The following GRB10 variants were observed in gnomAD, a reference collection of about 807,000 sequenced individuals.
GRB10 encodes growth factor receptor-bound protein 10.
A neutral mutation model predicts 80.9 loss-of-function variants in GRB10; 20 were observed. The observed-to-expected ratio is 0.25, with a 90% CI of 0.17 to 0.36. GRB10 has a LOEUF of 0.36. Ranked by LOEUF, GRB10 falls within the 10% of genes least tolerant of loss-of-function variation. GRB10 has a pLI of 1.00. For missense variants in GRB10, 548 were observed against 747.7 expected (o/e 0.73, Z 3.12); for synonymous variants, 291 against 291.5 (o/e 1.00, Z 0.02).
intron 17 of GRB10, among the ~76,000 whole-genome samples, chr7:50,596,096 G>A (rs1010557018): frequency 6.6e-6 from 1 of 152,162 alleles, no homozygotes; most frequent in African/African-American, 2.4e-5. Flanking sequence ...GGCAATTACT[G>A]TAGTAACTAA....
intron 2 of GRB10, among the ~76,000 whole-genome samples, chr7:50,759,367 C>T (rs1336728726): frequency 6.6e-6 from 1 of 152,046 alleles, no homozygotes; most frequent in Non-Finnish European, 1.5e-5. Context: ...AAAACAGAAA[C>T]CATCCCACCT....
intron 7 of GRB10, among the ~76,000 whole-genome samples, chr7:50,632,169 A>C (rs1370279304): frequency 6.6e-6 from 1 of 152,222 alleles, no homozygotes; most frequent in African/African-American, 2.4e-5. Flanking sequence ...GTTTTAAATT[A>C]ATGATATTAT....
At chr7:50,773,418 C>T (rs189209677) in intron 2 of GRB10, among the ~76,000 whole-genome samples, 9 of 30,558 alleles carry the variant, frequency 2.9e-4, no homozygotes, top group East Asian at 1.7e-3. Context: ...GGGAAGGGGA[C>T]GGGGAAGGGA....
chr7:50,641,758 G>A (rs1563259031), intron 7 of GRB10, among the ~76,000 whole-genome samples: 2 of 152,232 alleles, frequency 1.3e-5, no homozygotes, highest in African/African-American at 2.4e-5. Flanking sequence ...CTCTGCGGCA[G>A]GACAGTCAGC....
At chr7:50,713,110 T>G (rs2066146282) in intron 4 of GRB10, among the ~76,000 whole-genome samples, 1 of 152,200 alleles carries the variant, frequency 6.6e-6, no homozygotes, top group Admixed American at 6.5e-5. Flanking sequence ...CTCTAGAATT[T>G]CTACAGAAGA....
chr7:50,593,496 G>A (rs951367744), intron 18 of GRB10, among the ~76,000 whole-genome samples: 5 of 152,002 alleles, frequency 3.3e-5, no homozygotes, highest in South Asian at 2.1e-4. Flanking sequence ...CTCACTATAC[G>A]ACCTCAGCCA....
chr7:50,674,351 A>C, intron 6 of GRB10, 85 bp downstream of exon 6: 1 of 1,325,726 alleles, frequency 7.5e-7, no homozygotes, highest in Non-Finnish European at 1.1e-6. Context: ...TATTCCCCCC[A>C]ACACCATTTA....
At chr7:50,737,531 T>C (rs1242295864) in intron 3 of GRB10, among the ~76,000 whole-genome samples, 27 of 152,204 alleles carry the variant, frequency 1.8e-4, no homozygotes, top group Non-Finnish European at 1.5e-5. Flanking sequence ...TTACCTAGTC[T>C]CAGGTAGTTC....
chr7:50,618,896 C>T (rs575697281), intron 9 of GRB10, among the ~76,000 whole-genome samples: 1 of 152,356 alleles, frequency 6.6e-6, no homozygotes, highest in African/African-American at 2.4e-5. Context: ...AAACACCCAG[C>T]CTCTCCCAGC....
At chr7:50,728,577 T>C (rs2069066654) in intron 4 of GRB10, among the ~76,000 whole-genome samples, 1 of 152,166 alleles carries the variant, frequency 6.6e-6, no homozygotes, top group Admixed American at 6.5e-5. Flanking sequence ...GAAAAAACTT[T>C]CTTCTGTAAA....
chr7:50,598,897 C>T (rs755653300), intron 17 of GRB10, among the ~76,000 whole-genome samples: 9 of 150,520 alleles, frequency 6.0e-5, no homozygotes, highest in African/African-American at 9.7e-5. Context: ...ACACAGGGAT[C>T]GATGCCTGGC....
intron 4 of GRB10, among the ~76,000 whole-genome samples, chr7:50,730,530 C>T (rs1409142902): frequency 6.6e-6 from 1 of 152,162 alleles, no homozygotes; most frequent in Non-Finnish European, 1.5e-5. Context: ...CATATGCCGC[C>T]AAGTCTTGCT....
intron 4 of GRB10, among the ~76,000 whole-genome samples, chr7:50,723,398 A>G (rs114358120): frequency 0.013 from 1,940 of 152,328 alleles, 36 homozygotes; most frequent in African/African-American, 0.044. Context: ...GAAACTGCCA[A>G]TCATTTCCTC....
At chr7:50,784,486 C>T (rs1304618620), upstream of GRB10, among the ~76,000 whole-genome samples, 3 of 152,330 alleles carry the variant, frequency 2.0e-5, no homozygotes, top group African/African-American at 7.2e-5. Context: ...ATCCCACGCA[C>T]CCTGCCATCT....
At chr7:50,738,432 G>C (rs989405457) in intron 3 of GRB10, among the ~76,000 whole-genome samples, 10 of 152,122 alleles carry the variant, frequency 6.6e-5, no homozygotes, top group African/African-American at 2.4e-4. Flanking sequence ...AACAAAATGT[G>C]GTATATACAT....
intron 17 of GRB10, among the ~76,000 whole-genome samples, chr7:50,603,506 C>T (rs1440193894): frequency 2.6e-5 from 4 of 152,192 alleles, no homozygotes; most frequent in Admixed American, 6.5e-5. Flanking sequence ...CAACCAAACA[C>T]GAGTGAACCT....
chr7:50,637,378 T>C (rs1393810665), intron 7 of GRB10, among the ~76,000 whole-genome samples: 1 of 152,174 alleles, frequency 6.6e-6, no homozygotes, highest in Admixed American at 6.6e-5. Flanking sequence ...AGCATTTCTA[T>C]ACAACAATAA....
At chr7:50,749,362 C>CT (rs2073728870) in intron 3 of GRB10, among the ~76,000 whole-genome samples, 1 of 152,094 alleles carries the variant, frequency 6.6e-6, no homozygotes. Flanking sequence ...CACCTGACCT[C>CT]TGGTGATCCA....
intron 4 of GRB10, among the ~76,000 whole-genome samples, chr7:50,706,429 C>G (rs190746541): frequency 2.6e-5 from 4 of 152,332 alleles, no homozygotes; most frequent in Non-Finnish European, 4.4e-5. Context: ...AAGGACTAGG[C>G]CAGAGGCCAC....
Sources: allele counts gnomAD v4.1 joint callset (sites outside exome capture counted in the v4.1 genomes callset), GRCh38; gene constraint gnomAD v4.1.1; transcripts MANE v1.5; gene names NCBI Gene and HGNC (gene_info 2026-07-23, HGNC 2026-07-21).